Variants in CNTN5 observed in about 807,000 individuals in gnomAD.
The protein encoded by CNTN5 is contactin 5, also known as contactin-5.
CNTN5 carries 77 observed loss-of-function variants against 129.1 expected under a neutral mutation model. That is an observed-to-expected ratio of 0.60 (90% CI 0.50 to 0.72). The LOEUF (loss-of-function observed/expected upper bound fraction) is 0.72. Among genes scored for constraint, CNTN5 ranks in the 30% least tolerant of loss-of-function variants. The probability of loss-of-function intolerance (pLI) is 0.00; values close to 1 mark genes in which losing one functional copy is unlikely to be tolerated. For missense variants in CNTN5, 1,478 were observed against 1,328.8 expected (o/e 1.11, Z -1.75); for synonymous variants, 509 against 465.6 (o/e 1.09, Z -1.20).
chr11:99,715,997 T>G (rs1010158149), intron 3 of CNTN5, among the ~76,000 whole-genome samples: 1 of 148,206 alleles, frequency 6.7e-6, no homozygotes, highest in Non-Finnish European at 1.5e-5. Context: ...ATTATTACTT[T>G]TCAGCTTTCG....
At chr11:99,249,055 G>A (rs1018112115) in intron 1 of CNTN5, among the ~76,000 whole-genome samples, 1 of 152,098 alleles carries the variant, frequency 6.6e-6, no homozygotes, top group Non-Finnish European at 1.5e-5. Flanking sequence ...ATTACCTTGG[G>A]CAGTATGGCC....
At chr11:99,075,096 A>T (rs193151877) in intron 1 of CNTN5, among the ~76,000 whole-genome samples, 9 of 152,346 alleles carry the variant, frequency 5.9e-5, no homozygotes, top group Admixed American at 5.9e-4. Context: ...CACTTTCGTG[A>T]ATTATTCACT....
chr11:99,965,514 A>G (rs868582359), intron 8 of CNTN5, among the ~76,000 whole-genome samples: 13 of 152,200 alleles, frequency 8.5e-5, no homozygotes, highest in Middle Eastern at 3.4e-3. Context: ...ATTGCACTGT[A>G]GTCTGAGAGA....
intron 2 of CNTN5, among the ~76,000 whole-genome samples, chr11:99,537,264 C>A (rs774270032): frequency 6.6e-6 from 1 of 152,106 alleles, no homozygotes; most frequent in Non-Finnish European, 1.5e-5. Context: ...CTTATTCATA[C>A]AGAATTTTTT....
intron 2 of CNTN5, among the ~76,000 whole-genome samples, chr11:99,543,427 G>T (rs1948177915): frequency 6.6e-6 from 1 of 152,094 alleles, no homozygotes; most frequent in South Asian, 2.1e-4. Context: ...GGGTGGCTTT[G>T]CTGACCATCA....
At chr11:100,312,928 G>C (rs6590731) in intron 21 of CNTN5, among the ~76,000 whole-genome samples, 109,198 of 151,778 alleles carry the variant, frequency 0.72, 41,010 homozygotes, top group East Asian at 0.97. Flanking sequence ...AAAAATCAAG[G>C]AAACACATAA....
At chr11:99,285,001 GTTTAT>G (rs1863871100) in intron 1 of CNTN5, among the ~76,000 whole-genome samples, 2 of 151,966 alleles carry the variant, frequency 1.3e-5, no homozygotes, top group Admixed American at 6.6e-5. Flanking sequence ...ATGAATTTCT[GTTTAT>G]TTTATTTTTA....
At chr11:99,436,015 T>A (rs1943585985) in intron 2 of CNTN5, among the ~76,000 whole-genome samples, 1 of 152,188 alleles carries the variant, frequency 6.6e-6, no homozygotes, top group African/African-American at 2.4e-5. Flanking sequence ...TCATAGACAT[T>A]TCAAGGTTGA....
chr11:99,878,619 A>C (rs186917476), intron 6 of CNTN5, among the ~76,000 whole-genome samples: 136 of 152,304 alleles, frequency 8.9e-4, no homozygotes, highest in Non-Finnish European at 1.4e-3. Context: ...GCACTTTCAG[A>C]GGCCCAGGCA....
chr11:99,659,735 T>C (rs1952526902), intron 3 of CNTN5, among the ~76,000 whole-genome samples: 1 of 152,136 alleles, frequency 6.6e-6, no homozygotes, highest in Admixed American at 6.6e-5. Context: ...ACCCAATCAT[T>C]ATGGAGAATA....
chr11:99,668,933 A>G (rs890856723), intron 3 of CNTN5, among the ~76,000 whole-genome samples: 2 of 152,176 alleles, frequency 1.3e-5, no homozygotes, highest in Non-Finnish European at 2.9e-5. Context: ...GCATGGCTCA[A>G]TATCAACTTT....
At chr11:99,285,766 G>A (rs990465652) in intron 1 of CNTN5, among the ~76,000 whole-genome samples, 1 of 151,976 alleles carries the variant, frequency 6.6e-6, no homozygotes, top group African/African-American at 2.4e-5. Flanking sequence ...GGCCAGGCAC[G>A]GTGGCTCATG....
chr11:99,314,534 C>T (rs765858404), intron 1 of CNTN5, among the ~76,000 whole-genome samples: 1 of 151,912 alleles, frequency 6.6e-6, no homozygotes, highest in Non-Finnish European at 1.5e-5. Context: ...ATTTTACTGT[C>T]TAGACAAAGG....
chr11:99,109,282 A>T (rs879523976), intron 1 of CNTN5, among the ~76,000 whole-genome samples: 2 of 151,988 alleles, frequency 1.3e-5, no homozygotes, highest in Non-Finnish European at 2.9e-5. Context: ...CAATAATGTA[A>T]TTTTTGGTAG....
At chr11:99,507,740 C>T (rs1271409130) in intron 2 of CNTN5, among the ~76,000 whole-genome samples, 2 of 152,166 alleles carry the variant, frequency 1.3e-5, no homozygotes, top group African/African-American at 2.4e-5. Flanking sequence ...CAACTTTTCA[C>T]GTGCCATATT....
At chr11:99,040,116 T>A (rs1212117108) in intron 1 of CNTN5, among the ~76,000 whole-genome samples, 2 of 152,076 alleles carry the variant, frequency 1.3e-5, no homozygotes, top group Non-Finnish European at 2.9e-5. Context: ...GTTGGACTAT[T>A]TTGCCAAGGT....
At chr11:99,580,456 G>C (rs1949536698) in intron 3 of CNTN5, among the ~76,000 whole-genome samples, 1 of 152,068 alleles carries the variant, frequency 6.6e-6, no homozygotes, top group Non-Finnish European at 1.5e-5. Context: ...AATCCATCTG[G>C]TCCTGGACTT....
intron 3 of CNTN5, among the ~76,000 whole-genome samples, chr11:99,658,719 AT>A (rs1435266292): frequency 1.1e-4 from 8 of 70,502 alleles, no homozygotes; most frequent in East Asian, 4.0e-4. Flanking sequence ...TAAAAAAAAA[AT>A]ATATATATAT....
At chr11:100,333,117 C>G (rs757001218) in intron 21 of CNTN5, among the ~76,000 whole-genome samples, 2 of 152,116 alleles carry the variant, frequency 1.3e-5, no homozygotes, top group Non-Finnish European at 2.9e-5. Flanking sequence ...AAGTCAGTAG[C>G]TCTGCTATAT....
Sources: gnomAD v4.1 joint callset for allele counts (sites outside exome capture counted in the v4.1 genomes callset) on GRCh38, gnomAD v4.1.1 for gene constraint, MANE v1.5 for transcripts, NCBI Gene and HGNC (gene_info 2026-07-23, HGNC 2026-07-21) for gene names.